The following ZNF780A variants were observed in gnomAD, a reference collection of about 807,000 sequenced individuals.
The protein encoded by ZNF780A is zinc finger protein 780A.
Under a neutral mutation model 56.7 loss-of-function variants are expected in ZNF780A, and 40 were observed. The ratio of observed to expected loss-of-function variants is 0.71; its 90% CI spans 0.55 to 0.92. The LOEUF is 0.92. ZNF780A is among the 40% of genes least tolerant of loss of function. ZNF780A has a pLI of 0.00. For missense variants in ZNF780A, 672 were observed against 783.3 expected (o/e 0.86, Z 1.70); for synonymous variants, 231 against 248.3 (o/e 0.93, Z 0.66).
intron 5 of ZNF780A, among the ~76,000 whole-genome samples, chr19:40,076,974 C>T (rs1212725271): frequency 6.6e-6 from 1 of 152,162 alleles, no homozygotes; most frequent in Non-Finnish European, 1.5e-5. Context: ...GTCCTGTTCA[C>T]TACTACTACC....
At position 40,074,823 on chromosome 19, in the gene ZNF780A, C is replaced by T. The variant is rs778141057; in HGVS notation, c.1619G>A (p.Arg540His). ...ECKECGKFFR[R>H]GSNLNQHRSI... Reference sequence around the variant, plus strand: ...TCGATGTTGATTAAGATTTGAACCACGACGAAAGAATTTCCCACATTCCTT... The same window carrying T: ...TCGATGTTGATTAAGATTTGAACCATGACGAAAGAATTTCCCACATTCCTT... The change falls in exon 6 of 6, where the codon CGT becomes CAT. Residue 540 changes from arginine to histidine, a missense_variant. Arg to His is a conservative substitution (Grantham distance 29). Transcript: ENST00000683561. The T allele has an allele frequency of 9.9e-6, 16 of 1,613,808 alleles. No individual in the cohort carries two copies. Among genetic ancestry groups the T allele is most frequent in the African/African-American group, 2.7e-5 (2 of 74,858 alleles).
intron 5 of ZNF780A, 62 bp from the exon 6 acceptor site, chr19:40,076,271 C>T: frequency 1.4e-6 from 2 of 1,451,296 alleles, no homozygotes; most frequent in Non-Finnish European, 1.8e-6. Context: ...CATACAAAGT[C>T]CTTTTGTCAA....
chr19:40,088,127 T>A (rs911826289), intron 2 of ZNF780A, among the ~76,000 whole-genome samples: 5 of 152,008 alleles, frequency 3.3e-5, no homozygotes, highest in Admixed American at 2.6e-4. Context: ...GGATATGACC[T>A]CAAAAGCACA....
At position 40,074,972 on chromosome 19, in the gene ZNF780A, T is replaced by A; in HGVS notation, c.1470A>T (p.Gln490His). Residue 490 changes from glutamine to histidine, a missense_variant, in exon 6 of 6, where the codon CAA becomes CAT. Physicochemically the swap from Gln to His is conservative, Grantham distance 24. Transcript: ENST00000683561. ...KAFNRGSSLV[Q>H]HQSIHTGEKP... Reference sequence around the variant, plus strand: ...TCTCACCAGTGTGAATACTCTGATGTTGAACAAGGCTTGAGCCACGATTGA... The same window carrying A: ...TCTCACCAGTGTGAATACTCTGATGATGAACAAGGCTTGAGCCACGATTGA... 6.2e-7 allele frequency: 1 copy of A among 1,614,220 alleles called. No individual in the cohort carries two copies. Among genetic ancestry groups the A allele is most frequent in the Non-Finnish European group, 8.5e-7 (1 of 1,180,040 alleles).
At chr19:40,070,833 A>G (rs1973792480), downstream of ZNF780A, 1 of 152,144 alleles carries the variant, frequency 6.6e-6, no homozygotes, top group Non-Finnish European at 1.5e-5. Flanking sequence ...TTTTATGACA[A>G]TTCTTAATGA....
At chr19:40,080,923 C>T (rs201597189) in intron 5 of ZNF780A, among the ~76,000 whole-genome samples, 4 of 152,080 alleles carry the variant, frequency 2.6e-5, no homozygotes, top group East Asian at 1.9e-4. Flanking sequence ...TATTTCTCAC[C>T]GTATACAAAA....
chr19:40,075,910 C>T lies in ZNF780A; in HGVS notation c.532G>A (p.Ala178Thr). Residue 178 changes from alanine to threonine, a missense_variant, in exon 6 of 6, where the codon GCA (alanine) becomes ACA (threonine). Coordinates refer to ENST00000683561, the MANE Select transcript of ZNF780A (RefSeq NM_001142578.2). ...ATACTCTGATGCTGAATAAGATTTG[C>T]ACTACGACTAAAGTATTTCCCACAT... is the stretch of plus-strand genomic sequence containing the variant. ...KECGKYFSRS[A>T]NLIQHQSIHT... The T allele has an allele frequency of 6.2e-7, 1 of 1,614,014 alleles. No individual in the cohort carries two copies. The highest frequency in any genetic ancestry group is 8.5e-7 in the Non-Finnish European group (1 of 1,179,972).
downstream of ZNF780A, chr19:40,072,661 A>G: frequency 1.0e-6 from 1 of 992,780 alleles, no homozygotes; most frequent in Non-Finnish European, 1.3e-6. Context: ...TGCAAAAAAA[A>G]AAAAAAAAAG....
chr19:40,083,065 A>G (rs745923701), intron 4 of ZNF780A, 46 bp downstream of exon 4: 2 of 1,613,926 alleles, frequency 1.2e-6, no homozygotes, highest in African/African-American at 1.3e-5. Context: ...GAAAGCTGAT[A>G]TTCCAGAAAA....
chr19:40,076,352 T>C, intron 5 of ZNF780A, 143 bp from the exon 6 acceptor site: 1 of 813,960 alleles, frequency 1.2e-6, no homozygotes, highest in Non-Finnish European at 1.8e-6. Flanking sequence ...AGTTGGTAGA[T>C]AGAACCTTTC....
At chr19:40,089,642 A>ACT (rs911961753) in intron 2 of ZNF780A, among the ~76,000 whole-genome samples, 7 of 151,208 alleles carry the variant, frequency 4.6e-5, no homozygotes, top group African/African-American at 1.7e-4. Flanking sequence ...ACACACACAC[A>ACT]CTCACACACA....
At chr19:40,077,917 C>A (rs1425581431) in intron 5 of ZNF780A, among the ~76,000 whole-genome samples, 1 of 150,650 alleles carries the variant, frequency 6.6e-6, no homozygotes, top group Non-Finnish European at 1.5e-5. Flanking sequence ...CTTGACATCT[C>A]CACAGGAACA....
intron 5 of ZNF780A, among the ~76,000 whole-genome samples, chr19:40,076,614 A>G (rs1024802163): frequency 5.9e-5 from 9 of 152,230 alleles, no homozygotes; most frequent in Non-Finnish European, 1.2e-4. Context: ...ATTGGAAAAG[A>G]AAATCAACAG....
Position 40,075,569 on chromosome 19 carries a change from G to C in ZNF780A, c.873C>G (p.His291Gln), listed in dbSNP as rs752245514. The change falls in exon 6 of 6, where the codon CAC becomes CAG. Residue 291 changes from histidine (H) to glutamine (Q), a missense_variant. Coordinates refer to ENST00000683561, the MANE Select transcript of ZNF780A (RefSeq NM_001142578.2). ...AATGAATTTTCTGATGCTGAATAAG[G>C]TGTGCACCACGATTAAAGCCTTTCC... Reference protein sequence around the residue: ...ECGKGFNRGAHLIQHQKIHSN... With the variant: ...ECGKGFNRGAQLIQHQKIHSN... The C allele has an allele frequency of 1.5e-5, 24 of 1,612,376 alleles. No homozygotes were observed. The highest frequency in any genetic ancestry group is 2.0e-5 in the Non-Finnish European group (24 of 1,179,528).
intron 5 of ZNF780A, among the ~76,000 whole-genome samples, chr19:40,078,416 G>A (rs1434902028): frequency 1.3e-5 from 2 of 152,152 alleles, no homozygotes; most frequent in African/African-American, 4.8e-5. Flanking sequence ...AGCAAGAGAT[G>A]TAGACATCCA....
At chr19:40,072,578 G>A (rs918663842), downstream of ZNF780A, 24 of 284,304 alleles carry the variant, frequency 8.4e-5, no homozygotes, top group Admixed American at 4.3e-4. Flanking sequence ...CATTCGAGCC[G>A]GCAACGACTA....
At chr19:40,089,589 AACC>A (rs1975020734) in intron 2 of ZNF780A, among the ~76,000 whole-genome samples, 1 of 150,544 alleles carries the variant, frequency 6.6e-6, no homozygotes, top group African/African-American at 2.5e-5. Context: ...CCCTATTCTT[AACC>A]ACAACAGTGT....
In ZNF780A at chr19:40,073,063, T is replaced by C; in HGVS notation, c.*1453A>G. The C allele has an allele frequency of 2.1e-6, 3 of 1,420,386 alleles. No homozygotes were observed. The highest frequency in any genetic ancestry group is 2.8e-6 in the Non-Finnish European group (3 of 1,090,440). The allele number at this position is 1,420,386 out of a possible 1,614,324, so 88.0% of individuals were successfully genotyped here. A position where few individuals can be genotyped will look rare whatever the true frequency, so the allele number is the denominator to read the frequency against. ...CAATGGCTATATGATATTGTCTATA[T>C]TGTCTTCATGTTTGGTTGATACACA... On this transcript the variant is annotated 3_prime_UTR_variant, in exon 6 of 6. Coordinates refer to ENST00000683561, the MANE Select transcript of ZNF780A (RefSeq NM_001142578.2).
chr19:40,086,918 G>T (rs867051386), intron 2 of ZNF780A, among the ~76,000 whole-genome samples: 1 of 152,148 alleles, frequency 6.6e-6, no homozygotes, highest in Admixed American at 6.5e-5. Flanking sequence ...GGCAAGGCTG[G>T]TCTCAAACTC....
Sources: gnomAD v4.1 joint callset for allele counts (sites outside exome capture counted in the v4.1 genomes callset) on GRCh38, gnomAD v4.1.1 for gene constraint, MANE v1.5 for transcripts, NCBI Gene and HGNC (gene_info 2026-07-23, HGNC 2026-07-21) for gene names.